ADK: variants seen among roughly 807,000 people sequenced by gnomAD.
ADK encodes the protein N6,N6-dimethyladenosine kinase.
In ADK, 24 loss-of-function variants were observed where a neutral mutation model predicts 44.7. That is an observed-to-expected ratio of 0.54 (90% CI 0.39 to 0.76). ADK has a LOEUF of 0.76. Among genes scored for constraint, ADK ranks in the 30% least tolerant of loss-of-function variants. The probability of loss-of-function intolerance (pLI) is 0.00; values close to 1 mark genes in which losing one functional copy is unlikely to be tolerated. For synonymous variants in ADK, 128 were observed against 142.6 expected, an observed-to-expected ratio of 0.90 and a Z score of 0.73; for missense variants, 321 against 425.1, an observed-to-expected ratio of 0.76 and a Z score of 2.15.
chr10:74,269,291 G>A (rs1846336207), intron 3 of ADK, among the ~76,000 whole-genome samples: 1 of 152,086 alleles, frequency 6.6e-6, no homozygotes, highest in Non-Finnish European at 1.5e-5. Flanking sequence ...CAATACATAT[G>A]AAACTCTTGA....
chr10:74,196,271 G>A (rs1177286698), intron 1 of ADK, among the ~76,000 whole-genome samples: 1 of 150,612 alleles, frequency 6.6e-6, no homozygotes, highest in Non-Finnish European at 1.5e-5. Context: ...GCTGGGTGCG[G>A]TGGCTCACAC....
intron 6 of ADK, among the ~76,000 whole-genome samples, chr10:74,475,823 A>AGAGG (rs1210703071): frequency 2.2e-5 from 3 of 137,984 alleles, no homozygotes; most frequent in African/African-American, 2.6e-5. Context: ...AAAAGGAGGG[A>AGAGG]GAGGGAGGGA....
At chr10:74,493,468 A>T (rs571481006) in intron 6 of ADK, among the ~76,000 whole-genome samples, 107 of 151,476 alleles carry the variant, frequency 7.1e-4, no homozygotes, top group Middle Eastern at 3.5e-3. Context: ...TATAGAAGAG[A>T]TATATATAGA....
intron 3 of ADK, among the ~76,000 whole-genome samples, chr10:74,266,510 C>G (rs541393025): frequency 6.6e-6 from 1 of 151,780 alleles, no homozygotes; most frequent in Non-Finnish European, 1.5e-5. Context: ...GATCGGAGAT[C>G]GCGCCACTGC....
intron 3 of ADK, among the ~76,000 whole-genome samples, chr10:74,293,165 CAAAAAAAAAAAAA>C (rs59635944): frequency 5.1e-5 from 4 of 79,160 alleles, no homozygotes; most frequent in Admixed American, 1.6e-4. Flanking sequence ...AACCCTGTCT[CAAAAAAAAAAAAA>C]AAAAAAAAAA....
At chr10:74,188,665 C>A (rs1417275178) in intron 1 of ADK, among the ~76,000 whole-genome samples, 1 of 151,966 alleles carries the variant, frequency 6.6e-6, no homozygotes, top group African/African-American at 2.4e-5. Context: ...TTGCTCTCCT[C>A]TTGTGGATTT....
intron 4 of ADK, among the ~76,000 whole-genome samples, chr10:74,331,045 CT>C (rs1488020604): frequency 6.6e-6 from 1 of 151,960 alleles, no homozygotes; most frequent in African/African-American, 2.4e-5. Flanking sequence ...GAACTTTTTT[CT>C]TTTTTGTTTT....
chr10:74,613,128 G>A (rs539089187), intron 9 of ADK, among the ~76,000 whole-genome samples: 4 of 152,114 alleles, frequency 2.6e-5, no homozygotes, highest in African/African-American at 9.6e-5. Context: ...CTTCTTAAAA[G>A]CACCTTTCTT....
chr10:74,656,653 C>T (rs532246610), intron 9 of ADK, among the ~76,000 whole-genome samples: 1 of 152,282 alleles, frequency 6.6e-6, no homozygotes, highest in South Asian at 2.1e-4. Flanking sequence ...TTCTGAGCCT[C>T]CTGTTCCTCA....
At chr10:74,460,153 C>T (rs1275013522) in intron 6 of ADK, among the ~76,000 whole-genome samples, 2 of 152,182 alleles carry the variant, frequency 1.3e-5, no homozygotes, top group Non-Finnish European at 2.9e-5. Context: ...AAAAGGGCAC[C>T]TGCTATTGAG....
chr10:74,199,158 G>A (rs1469090780), intron 1 of ADK, among the ~76,000 whole-genome samples: 1 of 152,126 alleles, frequency 6.6e-6, no homozygotes, highest in Non-Finnish European at 1.5e-5. Flanking sequence ...GGTAGATAGG[G>A]CTCTTGCTTG....
chr10:74,477,527 T>C (rs1449251949), intron 6 of ADK, among the ~76,000 whole-genome samples: 1 of 152,196 alleles, frequency 6.6e-6, no homozygotes, highest in Non-Finnish European at 1.5e-5. Context: ...TAAAAGATAA[T>C]AAGTATTCTT....
intron 1 of ADK, among the ~76,000 whole-genome samples, chr10:74,162,932 C>G (rs1841945776): frequency 6.6e-6 from 1 of 151,960 alleles, no homozygotes; most frequent in Non-Finnish European, 1.5e-5. Context: ...AAAATTCCCT[C>G]AGAATAAATA....
chr10:74,579,149 G>A (rs569780397), intron 7 of ADK, among the ~76,000 whole-genome samples: 115 of 151,766 alleles, frequency 7.6e-4, no homozygotes, highest in African/African-American at 2.3e-3. Flanking sequence ...CATGAGAATC[G>A]CTTGAACCGG....
intron 2 of ADK, among the ~76,000 whole-genome samples, chr10:74,217,804 T>A (rs2132218576): frequency 6.6e-6 from 1 of 152,240 alleles, no homozygotes; most frequent in African/African-American, 2.4e-5. Flanking sequence ...GACCTGCAGC[T>A]GAGGGTCCTG....
rs115070083 is a variant in ADK, at chr10:74,358,185, C to T, written c.274-35956C>T. 1.4e-3 allele frequency among the ~76,000 whole-genome samples: 214 copies of T among 152,264 alleles called. 3 individuals are homozygous for T. The highest frequency in any genetic ancestry group is 3.1e-3 in the African/African-American group (128 of 41,574). On this transcript the variant is annotated intron_variant, in intron 4 of 10. Coordinates refer to ENST00000539909, the MANE Select transcript of ADK (RefSeq NM_006721.4). ...CAAAATTATTTCATATCTTTATACTCGTTATGAAATTACCTCATATCCAAA... is the reference window on the plus strand; with the variant it reads ...CAAAATTATTTCATATCTTTATACTTGTTATGAAATTACCTCATATCCAAA...
chr10:74,197,224 G>A (rs1843187417), intron 1 of ADK, among the ~76,000 whole-genome samples: 1 of 152,116 alleles, frequency 6.6e-6, no homozygotes, highest in Admixed American at 6.5e-5. Context: ...GAAATTTGGG[G>A]TAAAAGAGGG....
intron 2 of ADK, among the ~76,000 whole-genome samples, chr10:74,201,644 ATATGTATG>A (rs10630238): frequency 1.9e-4 from 17 of 89,704 alleles, no homozygotes; most frequent in South Asian, 1.2e-3. Flanking sequence ...GTGTGTGTGT[ATATGTATG>A]TATGTATGTA....
At chr10:74,201,105 T>C (rs1305975949) in intron 2 of ADK, among the ~76,000 whole-genome samples, 1 of 152,214 alleles carries the variant, frequency 6.6e-6, no homozygotes, top group African/African-American at 2.4e-5. Context: ...ATTTACCTAA[T>C]TATTTAATTC....
Sources: gnomAD v4.1 joint callset for allele counts (sites outside exome capture counted in the v4.1 genomes callset) on GRCh38, gnomAD v4.1.1 for gene constraint, MANE v1.5 for transcripts, NCBI Gene and HGNC (gene_info 2026-07-23, HGNC 2026-07-21) for gene names.